Variants in FBXL14 observed in about 807,000 individuals in gnomAD.
The protein encoded by FBXL14 is F-box and leucine rich repeat protein 14.
In FBXL14, 11 loss-of-function variants were observed where a neutral mutation model predicts 24.5. That is an observed-to-expected ratio of 0.45 (90% CI 0.28 to 0.74). FBXL14 has a LOEUF of 0.74. Ranked by LOEUF, FBXL14 falls within the 30% of genes least tolerant of loss-of-function variation. The pLI is 0.12. For synonymous variants in FBXL14, 294 were observed against 240.4 expected (o/e 1.22, Z -2.06); for missense variants, 384 against 545.6 (o/e 0.70, Z 2.95).
chr12:1,583,159 A>T (rs910307244), intron 1 of FBXL14, among the ~76,000 whole-genome samples: 13 of 152,254 alleles, frequency 8.5e-5, no homozygotes, highest in African/African-American at 2.6e-4. Flanking sequence ...CTAAAATTTT[A>T]AAATGTTTTT....
intron 1 of FBXL14, among the ~76,000 whole-genome samples, chr12:1,591,041 G>GACTT (rs1403835555): frequency 3.9e-5 from 6 of 152,110 alleles, no homozygotes; most frequent in African/African-American, 1.4e-4. Context: ...GGGAAACTGT[G>GACTT]ACTTACATAC....
chr12:1,581,889 C>A (rs1003733208), intron 1 of FBXL14, among the ~76,000 whole-genome samples: 2 of 152,190 alleles, frequency 1.3e-5, no homozygotes, highest in African/African-American at 2.4e-5. Context: ...CTTTGGGAGG[C>A]TGAGGCGGGT....
At chr12:1,574,397 T>TC (rs1565583089) in intron 1 of FBXL14, among the ~76,000 whole-genome samples, 2 of 48,632 alleles carry the variant, frequency 4.1e-5, no homozygotes, top group Non-Finnish European at 9.1e-5. Context: ...GAGGCTGGGG[T>TC]GGGGGAGGCT....
At position 1,593,247 on chromosome 12, in the gene FBXL14, G is replaced by A. The variant is rs1432465547; in HGVS notation, c.820C>T (p.Leu274=). The A allele has an allele frequency of 3.1e-6, 5 of 1,612,532 alleles. No individual in the cohort carries two copies. In the African/African-American group the frequency reaches 6.7e-5, roughly 22 times the overall value. The change falls in exon 1 of 2, where the codon CTG becomes TTG. Residue 274 remains leucine, a synonymous_variant. Transcript: ENST00000339235. This position sits in a 1 kb window ranked among gnomAD's most constrained non-coding sequence, Gnocchi z 7.4. Reference sequence around the variant, plus strand: ...GAGAGGCGCAGGCTGCCCATGGCCAGATGCATGATGCCCGTGTCACTGATG... The same window carrying A: ...GAGAGGCGCAGGCTGCCCATGGCCAAATGCATGATGCCCGTGTCACTGATG... ...DNISDTGIMH[L]AMGSLRLSGL... is the part of the protein sequence containing the mutation.
In FBXL14 at chr12:1,594,094, G is replaced by C. The variant is rs759409432; in HGVS notation, c.-28C>G. 7.3e-6 allele frequency: 10 copies of C among 1,371,926 alleles called. 1 individual carries two copies. Among genetic ancestry groups the C allele is most frequent in the Middle Eastern group, 4.2e-4 (2 of 4,754 alleles). The allele number at this position is 1,371,926 out of a possible 1,614,324, so 85.0% of individuals were successfully genotyped here. On this transcript the variant is annotated 5_prime_UTR_variant, in exon 1 of 2. Coordinates refer to ENST00000339235, the MANE Select transcript of FBXL14 (RefSeq NM_152441.3). ...TCCTCCTCCCCCCTCCGCGGCGCTG[G>C]GGGGAGGAGGCGCGGGCCCCGCCGC...
intron 1 of FBXL14, among the ~76,000 whole-genome samples, chr12:1,568,657 T>C (rs1380885169): frequency 2.0e-5 from 3 of 152,150 alleles, no homozygotes; most frequent in Non-Finnish European, 2.9e-5. Context: ...ATTATGGTGT[T>C]GTTATAAGAA....
Position 1,585,314 on chromosome 12 carries a change from C to T in FBXL14, c.1194+7559G>A, listed in dbSNP as rs146468536. ...TCGGGAGGCTGAGCCAGGAGAATGGCGTGAACCCGGGAGGCAGAGCTTGCA... is the reference window on the plus strand; with the variant it reads ...TCGGGAGGCTGAGCCAGGAGAATGGTGTGAACCCGGGAGGCAGAGCTTGCA... On this transcript the variant is annotated intron_variant, in intron 1 of 1. Coordinates refer to ENST00000339235, the MANE Select transcript of FBXL14 (RefSeq NM_152441.3). 6.0e-3 allele frequency among the ~76,000 whole-genome samples: 909 copies of T among 151,808 alleles called. 12 individuals carry two copies. Among genetic ancestry groups the T allele is most frequent in the African/African-American group, 0.021 (875 of 41,350 alleles).
intron 1 of FBXL14, among the ~76,000 whole-genome samples, chr12:1,586,397 G>A (rs1271108669): frequency 6.6e-6 from 1 of 152,086 alleles, no homozygotes; most frequent in Non-Finnish European, 1.5e-5. Flanking sequence ...TTAAGAGATG[G>A]GGTTTTGCTG....
At chr12:1,582,291 T>A (rs1334110803) in intron 1 of FBXL14, among the ~76,000 whole-genome samples, 1 of 152,052 alleles carries the variant, frequency 6.6e-6, no homozygotes, top group Non-Finnish European at 1.5e-5. Flanking sequence ...GGAAAGCTGT[T>A]CTTGGAGGCT....
At chr12:1,592,284 A>T (rs971582550) in intron 1 of FBXL14, among the ~76,000 whole-genome samples, 12 of 150,632 alleles carry the variant, frequency 8.0e-5, no homozygotes, top group East Asian at 1.9e-4. Flanking sequence ...CCAAAAAAAA[A>T]TTTTTAAACA....
intron 1 of FBXL14, among the ~76,000 whole-genome samples, chr12:1,573,997 C>T (rs1308842300): frequency 6.7e-6 from 1 of 148,936 alleles, no homozygotes; most frequent in African/African-American, 2.5e-5. Flanking sequence ...AAGAGCGAAA[C>T]TCCGTCTCAA....
chr12:1,568,745 C>T (rs1485577656), intron 1 of FBXL14, among the ~76,000 whole-genome samples: 1 of 152,114 alleles, frequency 6.6e-6, no homozygotes, highest in African/African-American at 2.4e-5. Flanking sequence ...CCTGTAATCC[C>T]AGCTACTCGC....
rs201029146 is a variant in FBXL14, at chr12:1,593,289, G to A, written c.778C>T (p.Leu260=). 2 of 1,613,120 alleles carry A rather than the reference G, an allele frequency of 1.2e-6. No homozygotes were observed. The highest frequency in any genetic ancestry group is 1.3e-5 in the African/African-American group (1 of 75,058). Residue 260 remains leucine (L), a synonymous_variant, in exon 1 of 2, where the codon CTG becomes TTG. Transcript: ENST00000339235. The surrounding 1 kb of genome is among the most constrained non-coding windows in gnomAD (Gnocchi z 7.4). ...SHMGSLRSLN[L]RSCDNISDTG... ...TCACTGATGTTGTCACAGGAGCGCAGGTTGAGGCTGCGCAGGCTGCCCATG... is the reference window on the plus strand; with the variant it reads ...TCACTGATGTTGTCACAGGAGCGCAAGTTGAGGCTGCGCAGGCTGCCCATG...
At chr12:1,570,323 TACA>T (rs1416261588) in intron 1 of FBXL14, among the ~76,000 whole-genome samples, 1 of 152,180 alleles carries the variant, frequency 6.6e-6, no homozygotes, top group Non-Finnish European at 1.5e-5. Flanking sequence ...TCAGCCGGGG[TACA>T]ACATGTGTCC....
chr12:1,586,829 G>A (rs991075726), intron 1 of FBXL14, among the ~76,000 whole-genome samples: 9 of 152,260 alleles, frequency 5.9e-5, no homozygotes, highest in Middle Eastern at 3.4e-3. Context: ...TCTCTGCTGC[G>A]CCACGGCTGC....
chr12:1,580,250 C>T (rs532710526), intron 1 of FBXL14, among the ~76,000 whole-genome samples: 1 of 152,210 alleles, frequency 6.6e-6, no homozygotes, highest in African/African-American at 2.4e-5. Flanking sequence ...ACAGAGCGAA[C>T]GCTGCCCTCT....
At chr12:1,590,501 T>C (rs781442377) in intron 1 of FBXL14, among the ~76,000 whole-genome samples, 28 of 152,248 alleles carry the variant, frequency 1.8e-4, no homozygotes, top group Non-Finnish European at 3.5e-4. Context: ...CACTCCCCTG[T>C]TGGAGCACTC....
At chr12:1,586,785 A>G (rs1249282763) in intron 1 of FBXL14, among the ~76,000 whole-genome samples, 1 of 152,232 alleles carries the variant, frequency 6.6e-6, no homozygotes, top group African/African-American at 2.4e-5. Flanking sequence ...TCCACAGATC[A>G]CACTCACATT....
At position 1,581,168 on chromosome 12, in the gene FBXL14, T is replaced by TG. The variant is rs1438884051; in HGVS notation, c.1194+11704dup. Among the ~76,000 whole-genome samples, 4 of 146,804 alleles carry TG rather than the reference T, an allele frequency of 2.7e-5. No homozygotes were observed. The East Asian group carries it at 8.7e-4, about 32-fold the overall frequency. On this transcript the variant is annotated intron_variant, in intron 1 of 1. Coordinates refer to ENST00000339235, the MANE Select transcript of FBXL14 (RefSeq NM_152441.3). The stretch of plus-strand genomic sequence containing the variant: ...GACAGGAAATTCAGAAACTGGGAAA[T>TG]GGCCATGCTGGAGTCCTTTAATGGG...
Sources: gnomAD v4.1 joint callset for allele counts (sites outside exome capture counted in the v4.1 genomes callset) on GRCh38, gnomAD v4.1.1 for gene constraint, Gnocchi (gnomAD v3.1) non-coding constraint, MANE v1.5 for transcripts, NCBI Gene and HGNC (gene_info 2026-07-23, HGNC 2026-07-21) for gene names.